CYB5R4: variants seen among roughly 807,000 people sequenced by gnomAD.
The protein encoded by CYB5R4 is cytochrome b5 reductase 4.
Under a neutral mutation model 70.2 loss-of-function variants are expected in CYB5R4, and 55 were observed. The ratio of observed to expected loss-of-function variants is 0.78; its 90% CI spans 0.63 to 0.98. The LOEUF is 0.98. Among genes scored for constraint, CYB5R4 ranks in the 50% least tolerant of loss-of-function variants. The pLI, the probability that CYB5R4 is intolerant of heterozygous loss-of-function variation, is 0.00. For missense variants in CYB5R4, 562 were observed against 612.6 expected (o/e 0.92, Z 0.87); for synonymous variants, 197 against 199.5 (o/e 0.99, Z 0.11).
At chr6:83,898,357 G>T (rs1333692351) in intron 3 of CYB5R4, among the ~76,000 whole-genome samples, 1 of 152,086 alleles carries the variant, frequency 6.6e-6, no homozygotes. Context: ...TGCTGTTTTG[G>T]TTACTGTAGC....
chr6:83,914,468 A>G lies in CYB5R4; in HGVS notation c.445+20A>G. 6 of 1,494,842 alleles carry G rather than the reference A, an allele frequency of 4.0e-6. No homozygotes were observed. The highest frequency in any genetic ancestry group is 5.5e-6 in the Non-Finnish European group (6 of 1,096,878). The allele number at this position is 1,494,842 out of a possible 1,614,324, so 92.6% of individuals were successfully genotyped here. A position where few individuals can be genotyped will look rare whatever the true frequency, so the allele number is the denominator to read the frequency against. On this transcript the variant is annotated intron_variant, in intron 5 of 15. Transcript: ENST00000369681. ...TAAATGGTAAGTCTATAAATTTATA[A>G]TAAATGAATCATATTCACATGCTTA...
chr6:83,958,941 A>C (rs1015841228), intron 15 of CYB5R4, among the ~76,000 whole-genome samples: 1 of 152,206 alleles, frequency 6.6e-6, no homozygotes, highest in Non-Finnish European at 1.5e-5. Context: ...TAGTTGAACA[A>C]TACGCAGTAT....
At chr6:83,936,869 T>TG (rs1425435638) in intron 12 of CYB5R4, among the ~76,000 whole-genome samples, 3 of 152,254 alleles carry the variant, frequency 2.0e-5, no homozygotes, top group African/African-American at 7.2e-5. Flanking sequence ...CAAAAATACT[T>TG]GTGCTACTCA....
At chr6:83,923,060 T>C (rs1030241250) in intron 9 of CYB5R4, among the ~76,000 whole-genome samples, 9 of 151,542 alleles carry the variant, frequency 5.9e-5, no homozygotes, top group Non-Finnish European at 8.8e-5. Flanking sequence ...AAAAAAAAAA[T>C]CTGTCTCCTT....
At chr6:83,921,833 A>C (rs1465054785) in intron 8 of CYB5R4, among the ~76,000 whole-genome samples, 1 of 152,242 alleles carries the variant, frequency 6.6e-6, no homozygotes, top group East Asian at 1.9e-4. Flanking sequence ...ACACAGTGAA[A>C]TTTACAGCAG....
rs1458955191 is a variant in CYB5R4 at position 83,959,842 on chromosome 6, C to G, written c.1530C>G (p.Asn510Lys). Residue 510 changes from asparagine (N) to lysine (K), a missense_variant, in exon 16 of 16, where the codon AAC becomes AAG. By Grantham distance (94) the Asn-to-Lys change is moderately conservative. Coordinates refer to ENST00000369681, the MANE Select transcript of CYB5R4 (RefSeq NM_016230.4). ...TTTTCAGGTTGCTGCATGATCTCAACTTTTCCAAAAATGAGATCCATAGTT... is the reference window on the plus strand; with the variant it reads ...TTTTCAGGTTGCTGCATGATCTCAAGTTTTCCAAAAATGAGATCCATAGTT... Reference protein sequence around the residue: ...EQGVRLLHDLNFSKNEIHSFT... With the variant: ...EQGVRLLHDLKFSKNEIHSFT... The G allele has an allele frequency of 4.4e-6, 7 of 1,601,240 alleles. No homozygotes were observed. The highest frequency in any genetic ancestry group is 6.0e-6 in the Non-Finnish European group (7 of 1,174,524).
chr6:83,866,781 A>G (rs1480751026), intron 2 of CYB5R4, among the ~76,000 whole-genome samples: 2 of 151,690 alleles, frequency 1.3e-5, no homozygotes, highest in Non-Finnish European at 2.9e-5. Context: ...ATGCCCAGCT[A>G]TTTATTTTTT....
Position 83,940,158 on chromosome 6 carries a change from C to T in CYB5R4, c.1211C>T (p.Pro404Leu). The change falls in exon 13 of 16, where the codon CCA becomes CTA. Residue 404 changes from proline to leucine, a missense_variant. By Grantham distance (98) the Pro-to-Leu change is moderately conservative. Coordinates refer to ENST00000369681, the MANE Select transcript of CYB5R4 (RefSeq NM_016230.4). ...FLLAAGTGFT[P>L]MVKILNYALT... ...TTGGCAGCTGGAACAGGCTTCACAC[C>T]AATGGTTAAAATACTGAATTATGCT... 1 of 1,610,546 alleles carries T rather than the reference C, an allele frequency of 6.2e-7. No individual in the cohort carries two copies. The highest frequency in any genetic ancestry group is 8.5e-7 in the Non-Finnish European group (1 of 1,177,588).
At chr6:83,893,359 T>A (rs1223631303) in intron 2 of CYB5R4, among the ~76,000 whole-genome samples, 163 bp from the exon 3 acceptor site, 1 of 152,216 alleles carries the variant, frequency 6.6e-6, no homozygotes, top group Non-Finnish European at 1.5e-5. Flanking sequence ...CTTGCAAGTG[T>A]GATGAAATCT....
chr6:83,956,992 A>AC (rs1006009465), intron 15 of CYB5R4, among the ~76,000 whole-genome samples: 137 of 151,626 alleles, frequency 9.0e-4, no homozygotes, highest in African/African-American at 2.8e-3. Context: ...GAAAAGATTG[A>AC]CCCCCCAATC....
chr6:83,923,196 A>G (rs1291340093), intron 9 of CYB5R4, among the ~76,000 whole-genome samples: 1 of 152,166 alleles, frequency 6.6e-6, no homozygotes, highest in South Asian at 2.1e-4. Context: ...ATACTAAATT[A>G]TGAATGTTGC....
rs1314159882 is a variant in CYB5R4 at position 83,965,398 on chromosome 6, A to G, written c.*5520A>G. 1 of 152,210 alleles carries G rather than the reference A, an allele frequency of 6.6e-6. No individual in the cohort carries two copies. The highest frequency in any genetic ancestry group is 1.5e-5 in the Non-Finnish European group (1 of 68,062). 9.4% of individuals were successfully genotyped at this position (152,210 alleles called of 1,614,324 possible). A position where few individuals can be genotyped will look rare whatever the true frequency, so the allele number is the denominator to read the frequency against. On this transcript the variant is annotated 3_prime_UTR_variant, in exon 16 of 16. Coordinates refer to ENST00000369681, the MANE Select transcript of CYB5R4 (RefSeq NM_016230.4). ...AAGGAGATCATTTTGGAGCTTTAAA[A>G]TTTGACTGCCCCACTGGATTTTGGA...
Position 83,950,154 on chromosome 6 carries a change from A to T in CYB5R4, c.1347-5144A>T, listed in dbSNP as rs983462279. Among the ~76,000 whole-genome samples, 5 of 152,224 alleles carry T rather than the reference A, an allele frequency of 3.3e-5. No individual in the cohort carries two copies. In the East Asian group the frequency reaches 9.7e-4, roughly 29 times the overall value. ...TTAGAATACTACTCTTTCTATTTCA[A>T]TCTGATTTTCATGTCATTAAGTATG... On this transcript the variant is annotated intron_variant, in intron 14 of 15. Coordinates refer to ENST00000369681, the MANE Select transcript of CYB5R4 (RefSeq NM_016230.4).
At chr6:83,907,476 CT>C (rs57474226) in intron 3 of CYB5R4, among the ~76,000 whole-genome samples, 18,990 of 144,704 alleles carry the variant, frequency 0.13, 2,157 homozygotes, top group African/African-American at 0.28. Flanking sequence ...TTTTTTTGTT[CT>C]TTTTTTTTTT....
At chr6:83,955,053 T>A (rs890411076) in intron 14 of CYB5R4, among the ~76,000 whole-genome samples, 2 of 151,860 alleles carry the variant, frequency 1.3e-5, no homozygotes, top group African/African-American at 4.8e-5. Context: ...GATAATTAGT[T>A]CAATTTAAAA....
At chr6:83,948,466 G>A (rs2099470995) in intron 14 of CYB5R4, among the ~76,000 whole-genome samples, 1 of 152,122 alleles carries the variant, frequency 6.6e-6, no homozygotes, top group South Asian at 2.1e-4. Flanking sequence ...GTATACCTAT[G>A]TAACCTGCAC....
At chr6:83,879,243 G>T (rs2099459074) in intron 2 of CYB5R4, among the ~76,000 whole-genome samples, 1 of 152,012 alleles carries the variant, frequency 6.6e-6, no homozygotes, top group Non-Finnish European at 1.5e-5. Context: ...ACTTTGCCTT[G>T]TATCAGGTGG....
chr6:83,909,921 G>A (rs148773181), intron 4 of CYB5R4: 2 of 1,122,532 alleles, frequency 1.8e-6, no homozygotes, highest in East Asian at 5.1e-5. Context: ...CACAACAAAG[G>A]ATTTTCTGGC....
intron 4 of CYB5R4, among the ~76,000 whole-genome samples, chr6:83,910,987 G>T (rs2099464588): frequency 6.6e-6 from 1 of 152,158 alleles, no homozygotes; most frequent in Middle Eastern, 3.2e-3. Context: ...GTATAAAATT[G>T]AAAGATGATT....
Sources: gnomAD v4.1 joint callset for allele counts (sites outside exome capture counted in the v4.1 genomes callset) on GRCh38, gnomAD v4.1.1 for gene constraint, MANE v1.5 for transcripts, NCBI Gene and HGNC (gene_info 2026-07-23, HGNC 2026-07-21) for gene names.